Variants in SOX5 observed in about 807,000 individuals in gnomAD.
The protein encoded by SOX5 is transcription factor SOX-5.
SOX5 carries 9 observed loss-of-function variants against 92.0 expected under a neutral mutation model. That is an observed-to-expected ratio of 0.10 (90% CI 0.06 to 0.17). The LOEUF is 0.17. SOX5 is among the 10% of genes least tolerant of loss of function. The pLI, the probability that SOX5 is intolerant of heterozygous loss-of-function variation, is 1.00. For missense variants in SOX5, 642 were observed against 944.5 expected, an observed-to-expected ratio of 0.68 and a Z score of 4.20; for synonymous variants, 344 against 336.3, an observed-to-expected ratio of 1.02 and a Z score of -0.25.
chr12:23,995,800 A>G (rs1225530738), intron 4 of SOX5, among the ~76,000 whole-genome samples: 1 of 152,204 alleles, frequency 6.6e-6, no homozygotes, highest in African/African-American at 2.4e-5. Flanking sequence ...TGCTCATCGT[A>G]GTTACATATT....
chr12:24,134,779 G>C (rs1202648344), intron 4 of SOX5, among the ~76,000 whole-genome samples: 2 of 152,274 alleles, frequency 1.3e-5, no homozygotes, highest in Admixed American at 1.3e-4. Context: ...GTAAAAATAA[G>C]TGTTGACAAT....
chr12:23,826,883 G>A (rs1049435881), intron 3 of SOX5, among the ~76,000 whole-genome samples: 9 of 152,170 alleles, frequency 5.9e-5, no homozygotes. Flanking sequence ...CTAAGCAACA[G>A]AGATTTAATT....
intron 3 of SOX5, among the ~76,000 whole-genome samples, chr12:24,232,036 A>G (rs1241195666): frequency 6.6e-6 from 1 of 152,288 alleles, no homozygotes; most frequent in African/African-American, 2.4e-5. Context: ...TTGTAACTCA[A>G]TCTAGGAACA....
At chr12:24,213,550 G>T (rs73058430) in intron 3 of SOX5, 1 of 150,430 alleles carries the variant, frequency 6.6e-6, no homozygotes, top group Non-Finnish European at 1.5e-5. Flanking sequence ...AGTTAAATGA[G>T]ATTTCTATTG....
intron 4 of SOX5, among the ~76,000 whole-genome samples, chr12:24,141,720 T>G (rs1221821157): frequency 1.5e-5 from 1 of 65,314 alleles, no homozygotes; most frequent in Admixed American, 2.7e-4. Context: ...TTTATACAAG[T>G]ACATCAATGT....
chr12:24,228,597 G>A (rs1962616507), intron 3 of SOX5, among the ~76,000 whole-genome samples: 1 of 152,118 alleles, frequency 6.6e-6, no homozygotes, highest in African/African-American at 2.4e-5. Flanking sequence ...CTGCAAGCTG[G>A]CTGCATGGAG....
At chr12:24,224,808 A>ACC (rs1429874857) in intron 3 of SOX5, among the ~76,000 whole-genome samples, 9 of 152,234 alleles carry the variant, frequency 5.9e-5, no homozygotes, top group African/African-American at 2.2e-4. Context: ...TGATAAGTGC[A>ACC]ATGGTATGAC....
At chr12:23,775,125 A>G (rs2095056652) in intron 3 of SOX5, among the ~76,000 whole-genome samples, 1 of 152,218 alleles carries the variant, frequency 6.6e-6, no homozygotes, top group African/African-American at 2.4e-5. Context: ...CATTAAACAA[A>G]TGCTCTAAAT....
intron 2 of SOX5, among the ~76,000 whole-genome samples, chr12:24,295,282 C>T (rs1044298264): frequency 1.3e-5 from 2 of 152,106 alleles, no homozygotes; most frequent in African/African-American, 2.4e-5. Flanking sequence ...TTCATACTCT[C>T]GTGTACAACA....
intron 3 of SOX5, among the ~76,000 whole-genome samples, chr12:24,240,111 C>G (rs1481284626): frequency 1.3e-5 from 2 of 152,146 alleles, no homozygotes; most frequent in Non-Finnish European, 2.9e-5. Context: ...AAAATAAAAA[C>G]TACAAGTAGT....
intron 1 of SOX5, among the ~76,000 whole-genome samples, chr12:24,371,869 T>C (rs1956774440): frequency 6.6e-6 from 1 of 152,120 alleles, no homozygotes; most frequent in African/African-American, 2.4e-5. Flanking sequence ...ACACCTATAG[T>C]CCCAGCTACT....
At chr12:24,174,458 C>T (rs1954574475) in intron 4 of SOX5, among the ~76,000 whole-genome samples, 1 of 152,094 alleles carries the variant, frequency 6.6e-6, no homozygotes, top group Non-Finnish European at 1.5e-5. Context: ...TGGGAGAACT[C>T]AGTGAGACCA....
At chr12:24,420,963 T>G (rs1546436) in intron 1 of SOX5, among the ~76,000 whole-genome samples, 39,566 of 151,964 alleles carry the variant, frequency 0.26, 5,911 homozygotes, top group East Asian at 0.66. Context: ...ATTCTTTAGG[T>G]CAAACAACTT....
At chr12:23,646,102 G>A (rs1264506098) in intron 7 of SOX5, among the ~76,000 whole-genome samples, 1 of 152,178 alleles carries the variant, frequency 6.6e-6, no homozygotes, top group Admixed American at 6.5e-5. Context: ...TTGCCTTGAT[G>A]TTGATGGCTG....
chr12:24,552,878 G>A (rs1172652537), intron 1 of SOX5, among the ~76,000 whole-genome samples: 1 of 152,050 alleles, frequency 6.6e-6, no homozygotes, highest in African/African-American at 2.4e-5. Flanking sequence ...AAAATTTAAA[G>A]CAAATTAGCT....
At chr12:24,556,095 C>T (rs1478120711) in intron 1 of SOX5, among the ~76,000 whole-genome samples, 1 of 152,184 alleles carries the variant, frequency 6.6e-6, no homozygotes, top group Admixed American at 6.5e-5. Context: ...CCTACTCAAT[C>T]GTCTTCCCTT....
intron 6 of SOX5, among the ~76,000 whole-genome samples, chr12:23,733,035 T>C (rs1351491687): frequency 2.0e-5 from 3 of 152,204 alleles, no homozygotes; most frequent in Admixed American, 6.5e-5. Flanking sequence ...GTGGTCATAA[T>C]TGTGGAATAA....
intron 1 of SOX5, among the ~76,000 whole-genome samples, chr12:24,508,190 C>A (rs12833541): frequency 0.08 from 12,146 of 152,070 alleles, 549 homozygotes; most frequent in South Asian, 0.13. Context: ...TGCGTCTAGA[C>A]CATCACTCTA....
At chr12:23,842,024 G>A (rs1276042417) in intron 3 of SOX5, among the ~76,000 whole-genome samples, 1 of 152,050 alleles carries the variant, frequency 6.6e-6, no homozygotes, top group Admixed American at 6.5e-5. Flanking sequence ...AAAGAATACA[G>A]AACTAGTTTA....
Sources: allele counts gnomAD v4.1 joint callset (sites outside exome capture counted in the v4.1 genomes callset), GRCh38; gene constraint gnomAD v4.1.1; transcripts MANE v1.5; gene names NCBI Gene and HGNC (gene_info 2026-07-23, HGNC 2026-07-21).